The following EXT1 variants were observed in gnomAD, a reference collection of about 807,000 sequenced individuals.
The protein encoded by EXT1 is exostosin-1.
In EXT1, 20 loss-of-function variants were observed where a neutral mutation model predicts 82.5. The ratio of observed to expected loss-of-function variants is 0.24; its 90% confidence interval spans 0.17 to 0.35. The LOEUF is 0.35. EXT1 is among the 10% of genes least tolerant of loss of function. EXT1 has a pLI of 1.00. For missense variants in EXT1, 757 were observed against 936.5 expected, an observed-to-expected ratio of 0.81 and a Z score of 2.50; for synonymous variants, 348 against 350.8, an observed-to-expected ratio of 0.99 and a Z score of 0.09.
chr8:118,094,233 T>A (rs1169924473), intron 1 of EXT1, among the ~76,000 whole-genome samples: 1 of 152,186 alleles, frequency 6.6e-6, no homozygotes, highest in Non-Finnish European at 1.5e-5. Context: ...CGAATTTTTT[T>A]AAAGACACAA....
intron 1 of EXT1, among the ~76,000 whole-genome samples, chr8:117,989,216 C>T (rs1194310395): frequency 6.6e-6 from 1 of 152,066 alleles, no homozygotes; most frequent in Admixed American, 6.6e-5. Flanking sequence ...TTGGCTCTAG[C>T]TCTAAAATAC....
chr8:117,899,608 C>A lies in EXT1; in HGVS notation c.963-62407G>T, dbSNP rs147245856. On this transcript the variant is annotated intron_variant, in intron 1 of 10. Coordinates refer to ENST00000378204, the MANE Select transcript of EXT1 (RefSeq NM_000127.3). The stretch of plus-strand genomic sequence containing the variant: ...CCTACTGAGTTAAAACACAAGCATT[C>A]GGAGGCAGCTTGTGTTCAACAGCTA... 3.4e-4 allele frequency among the ~76,000 whole-genome samples: 52 copies of A among 152,200 alleles called. 1 individual carries two copies. Among genetic ancestry groups the A allele is most frequent in the African/African-American group, 1.1e-3 (47 of 41,526 alleles).
intron 1 of EXT1, among the ~76,000 whole-genome samples, chr8:117,987,858 C>A (rs9650072): frequency 0.43 from 64,637 of 152,004 alleles, 13,969 homozygotes; most frequent in Admixed American, 0.48. Context: ...GAGGCCTAGG[C>A]GGAAGGATCG....
chr8:117,829,212 T>C (rs993634309), intron 4 of EXT1, among the ~76,000 whole-genome samples: 2 of 152,186 alleles, frequency 1.3e-5, no homozygotes, highest in African/African-American at 4.8e-5. Context: ...CTCTTTGTGC[T>C]ACTTCGGTGT....
At chr8:118,044,460 T>C (rs1312585421) in intron 1 of EXT1, among the ~76,000 whole-genome samples, 1 of 151,808 alleles carries the variant, frequency 6.6e-6, no homozygotes, top group Non-Finnish European at 1.5e-5. Flanking sequence ...CAGGCTGGAG[T>C]GCAATGGCAC....
intron 7 of EXT1, among the ~76,000 whole-genome samples, chr8:117,815,921 C>T (rs921888074): frequency 4.8e-5 from 6 of 125,606 alleles, no homozygotes; most frequent in South Asian, 4.9e-4. Flanking sequence ...GCAACAAGAG[C>T]GAAACTCTGC....
intron 1 of EXT1, among the ~76,000 whole-genome samples, chr8:117,868,104 GTTCA>G (rs953691092): frequency 4.6e-5 from 7 of 152,172 alleles, no homozygotes; most frequent in Non-Finnish European, 7.3e-5. Context: ...CCACCAGCAT[GTTCA>G]TTCATTCTTT....
chr8:117,825,030 C>T (rs1410750873), intron 4 of EXT1, among the ~76,000 whole-genome samples: 3 of 151,922 alleles, frequency 2.0e-5, no homozygotes, highest in African/African-American at 7.3e-5. Context: ...CCACACCCAG[C>T]TAATTTTTTA....
intron 1 of EXT1, among the ~76,000 whole-genome samples, chr8:117,861,658 C>A (rs1812689425): frequency 7.0e-6 from 1 of 143,276 alleles, no homozygotes; most frequent in East Asian, 1.9e-4. Context: ...CCACACCCAG[C>A]TAATTTTTGT....
chr8:117,815,336 G>A (rs1239209877), intron 7 of EXT1, among the ~76,000 whole-genome samples: 1 of 152,152 alleles, frequency 6.6e-6, no homozygotes, highest in East Asian at 1.9e-4. Flanking sequence ...GGAGAATGAG[G>A]AAGATGTAGG....
chr8:117,900,393 T>C (rs555083251), intron 1 of EXT1, among the ~76,000 whole-genome samples: 39 of 152,336 alleles, frequency 2.6e-4, no homozygotes, highest in Non-Finnish European at 4.9e-4. Context: ...TCTTATTATA[T>C]GATTATTGTC....
intron 1 of EXT1, among the ~76,000 whole-genome samples, chr8:118,075,101 T>C (rs1399329864): frequency 6.6e-6 from 1 of 152,252 alleles, no homozygotes; most frequent in Non-Finnish European, 1.5e-5. Flanking sequence ...TATAATGCCA[T>C]GGTTACATCT....
At chr8:117,951,802 T>G (rs1405208952) in intron 1 of EXT1, among the ~76,000 whole-genome samples, 2 of 152,190 alleles carry the variant, frequency 1.3e-5, no homozygotes, top group Admixed American at 6.5e-5. Context: ...AAGCTAAGAA[T>G]GATTTTTACA....
At chr8:117,912,278 G>T (rs1438865303) in intron 1 of EXT1, among the ~76,000 whole-genome samples, 2 of 152,160 alleles carry the variant, frequency 1.3e-5, no homozygotes, top group Non-Finnish European at 2.9e-5. Context: ...CATCATTAGA[G>T]ATTGCCTCAA....
intron 1 of EXT1, among the ~76,000 whole-genome samples, chr8:117,943,126 T>G (rs1239659055): frequency 6.6e-6 from 1 of 152,256 alleles, no homozygotes; most frequent in African/African-American, 2.4e-5. Context: ...CCAGAAAACC[T>G]AACTACTTTC....
intron 1 of EXT1, among the ~76,000 whole-genome samples, chr8:117,952,544 G>A (rs897444898): frequency 5.9e-5 from 9 of 152,164 alleles, no homozygotes; most frequent in Non-Finnish European, 1.2e-4. Context: ...AAGGTGGGCA[G>A]ATCACTTGAG....
intron 8 of EXT1, among the ~76,000 whole-genome samples, chr8:117,809,245 T>TATATATATA (rs1563874289): frequency 3.0e-5 from 2 of 66,050 alleles, no homozygotes; most frequent in South Asian, 4.5e-4. Flanking sequence ...ATATATATAT[T>TATATATATA]ATGTTCTATT....
intron 1 of EXT1, among the ~76,000 whole-genome samples, chr8:117,974,010 G>A (rs1326039093): frequency 6.8e-6 from 1 of 147,668 alleles, no homozygotes; most frequent in Admixed American, 6.8e-5. Flanking sequence ...TTGGACCAGT[G>A]TAGACCAGCC....
intron 1 of EXT1, among the ~76,000 whole-genome samples, chr8:117,856,213 A>C (rs1371868156): frequency 6.6e-6 from 1 of 151,380 alleles, no homozygotes; most frequent in Non-Finnish European, 1.5e-5. Context: ...CAAACCATCC[A>C]CAACATTCCC....
Sources: gnomAD v4.1 joint callset for allele counts (sites outside exome capture counted in the v4.1 genomes callset) on GRCh38, gnomAD v4.1.1 for gene constraint, MANE v1.5 for transcripts, NCBI Gene and HGNC (gene_info 2026-07-23, HGNC 2026-07-21) for gene names.